RAB38: variants seen among roughly 807,000 people sequenced by gnomAD.
RAB38 encodes the protein ras-related protein Rab-38.
Under a neutral mutation model 18.4 loss-of-function variants are expected in RAB38, and 15 were observed. The observed-to-expected ratio is 0.82, with a 90% confidence interval of 0.55 to 1.26. RAB38 has a LOEUF of 1.26. RAB38 is among the 50% of genes most tolerant of loss of function. The probability of loss-of-function intolerance (pLI) is 0.00; values close to 1 mark genes in which losing one functional copy is unlikely to be tolerated. For missense variants in RAB38, 294 were observed against 267.4 expected (o/e 1.10, Z -0.69); for synonymous variants, 101 against 104.4 (o/e 0.97, Z 0.20).
chr11:87,832,896 G>T, the RAB38 span, among the ~76,000 whole-genome samples: 338 of 152,088 alleles, frequency 2.2e-3, no homozygotes, highest in Non-Finnish European at 4.0e-3. Flanking sequence ...TCTCACAGTG[G>T]GGGGTGGGGG....
At chr11:87,822,018 A>T in the RAB38 span, among the ~76,000 whole-genome samples, 1 of 152,112 alleles carries the variant, frequency 6.6e-6, no homozygotes, top group Non-Finnish European at 1.5e-5. Flanking sequence ...AACTTTGAGA[A>T]GTATGCCTCT....
the RAB38 span, among the ~76,000 whole-genome samples, chr11:87,933,630 G>T: frequency 2.6e-5 from 4 of 151,624 alleles, no homozygotes; most frequent in Non-Finnish European, 1.5e-5. Flanking sequence ...AAACAGCCAA[G>T]AGGTGGATAA....
the RAB38 span, among the ~76,000 whole-genome samples, chr11:87,976,197 T>A: frequency 6.8e-6 from 1 of 147,380 alleles, no homozygotes; most frequent in Non-Finnish European, 1.5e-5. Flanking sequence ...TATTTATATA[T>A]ACTCTATGTA....
the RAB38 span, among the ~76,000 whole-genome samples, chr11:87,857,963 C>T: frequency 1.3e-5 from 2 of 152,078 alleles, no homozygotes; most frequent in Non-Finnish European, 2.9e-5. Context: ...AATGCTATTG[C>T]CTAGGTTTTC....
the RAB38 span, among the ~76,000 whole-genome samples, chr11:88,006,689 G>T: frequency 2.0e-5 from 3 of 147,772 alleles, no homozygotes; most frequent in Non-Finnish European, 4.5e-5. Flanking sequence ...ATGAAATCCT[G>T]TCATTTGTAG....
At chr11:87,924,631 G>T in the RAB38 span, among the ~76,000 whole-genome samples, 1 of 151,970 alleles carries the variant, frequency 6.6e-6, no homozygotes, top group Non-Finnish European at 1.5e-5. Flanking sequence ...TCTCTACTTT[G>T]CAGGAAAGGT....
the RAB38 span, among the ~76,000 whole-genome samples, chr11:88,020,940 C>A: frequency 1.3e-5 from 2 of 151,846 alleles, no homozygotes; most frequent in African/African-American, 4.8e-5. Flanking sequence ...CTAAGAGATA[C>A]AACAAAAGCA....
rs1212046343 is a variant in RAB38 at position 88,149,692 on chromosome 11, A to G, written c.466T>C (p.Phe156Leu). 2 of 1,610,644 alleles carry G rather than the reference A, an allele frequency of 1.2e-6. No individual in the cohort carries two copies. Among genetic ancestry groups the G allele is most frequent in the Non-Finnish European group, 1.7e-6 (2 of 1,177,262 alleles). ...CACATTACCTTTGCTGATGTTTCAAACCATCCTACGAAACCGTGCTCCTTG... is the reference window on the plus strand; with the variant it reads ...CACATTACCTTTGCTGATGTTTCAAGCCATCCTACGAAACCGTGCTCCTTG... ...FCKEHGFVGW[F>L]ETSAKENINI... Residue 156 changes from phenylalanine to leucine, a missense_variant, in exon 2 of 3, where the codon TTT becomes CTT. Coordinates refer to ENST00000243662, the MANE Select transcript of RAB38 (RefSeq NM_022337.3).
chr11:88,065,225 C>A, the RAB38 span, among the ~76,000 whole-genome samples: 11 of 152,182 alleles, frequency 7.2e-5, no homozygotes, highest in African/African-American at 2.7e-4. Context: ...CTAACCAATG[C>A]CACAATAACG....
chr11:87,882,145 A>C, the RAB38 span, among the ~76,000 whole-genome samples: 2 of 151,752 alleles, frequency 1.3e-5, no homozygotes, highest in Non-Finnish European at 2.9e-5. Context: ...TGGGGATAAA[A>C]CTCCTCATTC....
the RAB38 span, among the ~76,000 whole-genome samples, chr11:88,029,134 T>A: frequency 2.6e-4 from 40 of 151,926 alleles, 1 homozygote; most frequent in South Asian, 3.3e-3. Flanking sequence ...AAACTAAGCT[T>A]CATAAGCGAA....
the RAB38 span, among the ~76,000 whole-genome samples, chr11:88,063,373 T>C: frequency 6.6e-6 from 1 of 152,158 alleles, no homozygotes; most frequent in Non-Finnish European, 1.5e-5. Context: ...GAAAGTTGTT[T>C]CTGAAGTTTC....
the RAB38 span, among the ~76,000 whole-genome samples, chr11:88,087,167 T>G: frequency 6.6e-6 from 1 of 151,944 alleles, no homozygotes; most frequent in Non-Finnish European, 1.5e-5. Flanking sequence ...TGCTTAATCC[T>G]TGTATCTCAG....
intron 1 of RAB38, chr11:88,174,018 T>C: frequency 1.0e-6 from 1 of 985,426 alleles, no homozygotes; most frequent in Non-Finnish European, 1.2e-6. Flanking sequence ...CTAGTTTGGG[T>C]CCAGCACTTA....
the RAB38 span, among the ~76,000 whole-genome samples, chr11:87,967,433 T>C: frequency 9.2e-5 from 14 of 152,288 alleles, no homozygotes; most frequent in South Asian, 2.9e-3. Context: ...ATAATATATT[T>C]TTTTAAAATA....
At chr11:87,957,687 G>C in the RAB38 span, among the ~76,000 whole-genome samples, 1 of 152,106 alleles carries the variant, frequency 6.6e-6, no homozygotes, top group South Asian at 2.1e-4. Context: ...AGGCCAGAGA[G>C]TGACGTTTCT....
At chr11:87,949,567 C>T in the RAB38 span, among the ~76,000 whole-genome samples, 1 of 152,134 alleles carries the variant, frequency 6.6e-6, no homozygotes, top group African/African-American at 2.4e-5. Context: ...TTGAATGTGT[C>T]CCAGAGATTG....
At chr11:87,962,769 G>A in the RAB38 span, among the ~76,000 whole-genome samples, 1 of 152,124 alleles carries the variant, frequency 6.6e-6, no homozygotes, top group African/African-American at 2.4e-5. Context: ...GCTGACTATT[G>A]TAATGTATAT....
At chr11:88,006,464 G>C in the RAB38 span, among the ~76,000 whole-genome samples, 1 of 151,128 alleles carries the variant, frequency 6.6e-6, no homozygotes, top group Non-Finnish European at 1.5e-5. Flanking sequence ...ATGTTGAAGA[G>C]ATATTTGCAC....
Sources: gnomAD v4.1 joint callset for allele counts (sites outside exome capture counted in the v4.1 genomes callset) on GRCh38, gnomAD v4.1.1 for gene constraint, MANE v1.5 for transcripts, NCBI Gene and HGNC (gene_info 2026-07-23, HGNC 2026-07-21) for gene names.